The following HS3ST3A1 variants were observed in gnomAD, a reference collection of about 807,000 sequenced individuals.
The protein encoded by HS3ST3A1 is heparan sulfate glucosamine 3-O-sulfotransferase 3A1.
A neutral mutation model predicts 25.7 loss-of-function variants in HS3ST3A1; 19 were observed. The ratio of observed to expected loss-of-function variants is 0.74; its 90% CI spans 0.52 to 1.08. The LOEUF is 1.08. Among genes scored for constraint, HS3ST3A1 ranks in the 50% least tolerant of loss-of-function variants. The pLI is 0.00. For missense variants in HS3ST3A1, 459 were observed against 594.3 expected (o/e 0.77, Z 2.37); for synonymous variants, 226 against 278.6 (o/e 0.81, Z 1.88).
chr17:13,551,434 A>G (rs1408934696), intron 1 of HS3ST3A1, among the ~76,000 whole-genome samples: 2 of 151,978 alleles, frequency 1.3e-5, no homozygotes, highest in African/African-American at 4.8e-5. Flanking sequence ...TACAGCAGCC[A>G]TACCCAGCTG....
chr17:13,526,474 T>TA (rs1906425775), intron 1 of HS3ST3A1, among the ~76,000 whole-genome samples: 2,716 of 76,208 alleles, frequency 0.036, 248 homozygotes, highest in African/African-American at 0.039. Context: ...ACTTTAATTT[T>TA]TATATATATA....
intron 1 of HS3ST3A1, among the ~76,000 whole-genome samples, chr17:13,592,188 G>A (rs1327087912): frequency 1.3e-5 from 2 of 152,168 alleles, no homozygotes; most frequent in Non-Finnish European, 1.5e-5. Context: ...TCTGGGTTTG[G>A]CAGTAGTTCT....
In HS3ST3A1 at chr17:13,511,808, T is replaced by C. The variant is rs1292485760; in HGVS notation, c.600-14990A>G. Reference sequence around the variant, plus strand: ...AATTAGGAAGTCAATTTAAAATAATTTTTATTTCAACATTTTATATTTATT... The same window carrying C: ...AATTAGGAAGTCAATTTAAAATAATCTTTATTTCAACATTTTATATTTATT... On this transcript the variant is annotated intron_variant, in intron 1 of 1. Transcript: ENST00000284110. Among the ~76,000 whole-genome samples, 3 of 152,138 alleles carry C rather than the reference T, an allele frequency of 2.0e-5. No homozygotes were observed. In the East Asian group the frequency reaches 5.8e-4, roughly 29 times the overall value.
intron 1 of HS3ST3A1, among the ~76,000 whole-genome samples, chr17:13,580,130 A>C (rs1327965865): frequency 6.6e-6 from 1 of 152,118 alleles, no homozygotes; most frequent in Non-Finnish European, 1.5e-5. Context: ...ATGCCAACAC[A>C]CGCATTCTTC....
At chr17:13,539,891 C>T (rs1246562792) in intron 1 of HS3ST3A1, among the ~76,000 whole-genome samples, 1 of 152,184 alleles carries the variant, frequency 6.6e-6, no homozygotes, top group Non-Finnish European at 1.5e-5. Flanking sequence ...AAGCTCACCA[C>T]CAACCATGTA....
intron 1 of HS3ST3A1, among the ~76,000 whole-genome samples, chr17:13,585,040 T>C (rs918438814): frequency 3.3e-5 from 5 of 152,110 alleles, no homozygotes; most frequent in African/African-American, 9.7e-5. Context: ...TCTGTAGTAT[T>C]TGATACCACG....
chr17:13,516,768 T>C (rs1208322383), intron 1 of HS3ST3A1, among the ~76,000 whole-genome samples: 1 of 152,210 alleles, frequency 6.6e-6, no homozygotes, highest in Non-Finnish European at 1.5e-5. Flanking sequence ...ATCAAACAGA[T>C]CAATGTATTT....
chr17:13,526,474 T>TTATA (rs58701744), intron 1 of HS3ST3A1, among the ~76,000 whole-genome samples: 2,327 of 75,778 alleles, frequency 0.031, 44 homozygotes, highest in Non-Finnish European at 0.037. Context: ...ACTTTAATTT[T>TTATA]TATATATATA....
intron 1 of HS3ST3A1, among the ~76,000 whole-genome samples, chr17:13,530,668 C>G (rs567689650): frequency 6.6e-5 from 10 of 152,264 alleles, no homozygotes; most frequent in African/African-American, 2.2e-4. Context: ...GAGCCTGCCA[C>G]CACCCCAAAA....
chr17:13,582,714 ATTAC>A (rs1444557123), intron 1 of HS3ST3A1, among the ~76,000 whole-genome samples: 1 of 152,186 alleles, frequency 6.6e-6, no homozygotes, highest in Non-Finnish European at 1.5e-5. Context: ...CATTCATTAT[ATTAC>A]TTAATGATTT....
intron 1 of HS3ST3A1, among the ~76,000 whole-genome samples, chr17:13,584,023 CAA>C (rs1456825480): frequency 6.6e-6 from 1 of 152,154 alleles, no homozygotes; most frequent in Non-Finnish European, 1.5e-5. Flanking sequence ...GAATGCAAAG[CAA>C]AGAGTACCTG....
chr17:13,536,295 G>T (rs1398444112), intron 1 of HS3ST3A1, among the ~76,000 whole-genome samples: 1 of 141,854 alleles, frequency 7.0e-6, no homozygotes, highest in Non-Finnish European at 1.5e-5. Context: ...TTTCTGTTTG[G>T]AGACAAAAAA....
intron 1 of HS3ST3A1, among the ~76,000 whole-genome samples, chr17:13,498,253 G>A (rs115548608): frequency 0.03 from 4,592 of 152,158 alleles, 84 homozygotes; most frequent in African/African-American, 0.042. Flanking sequence ...TGATGGCCCC[G>A]ATACTTCCTT....
chr17:13,540,711 G>A (rs188392278), intron 1 of HS3ST3A1, among the ~76,000 whole-genome samples: 21 of 152,304 alleles, frequency 1.4e-4, no homozygotes, highest in African/African-American at 3.4e-4. Context: ...TTCATTGAGC[G>A]AACTTCACTG....
intron 1 of HS3ST3A1, among the ~76,000 whole-genome samples, chr17:13,532,094 G>A (rs1906622350): frequency 6.6e-6 from 1 of 152,154 alleles, no homozygotes; most frequent in African/African-American, 2.4e-5. Flanking sequence ...CTCTTTGCAA[G>A]CACAATCAGC....
chr17:13,572,796 T>C (rs1315952621), intron 1 of HS3ST3A1, among the ~76,000 whole-genome samples: 1 of 152,124 alleles, frequency 6.6e-6, no homozygotes, highest in South Asian at 2.1e-4. Flanking sequence ...CACAGGAAAA[T>C]AAAAAATTGA....
At chr17:13,517,381 G>A (rs1047994184) in intron 1 of HS3ST3A1, among the ~76,000 whole-genome samples, 2 of 152,116 alleles carry the variant, frequency 1.3e-5, no homozygotes, top group African/African-American at 4.8e-5. Context: ...ACCATCTAGA[G>A]GGCAGGTAGA....
intron 1 of HS3ST3A1, among the ~76,000 whole-genome samples, chr17:13,571,758 TTTG>T (rs918116082): frequency 9.9e-5 from 15 of 152,230 alleles, no homozygotes; most frequent in African/African-American, 3.4e-4. Flanking sequence ...ATAATAATGT[TTTG>T]TTGTTGTTGT....
chr17:13,533,208 C>T (rs1257742604), intron 1 of HS3ST3A1, among the ~76,000 whole-genome samples: 3 of 151,992 alleles, frequency 2.0e-5, no homozygotes, highest in Non-Finnish European at 4.4e-5. Flanking sequence ...CATTTGCTTA[C>T]CAACCTTGTA....
Sources: allele counts gnomAD v4.1 joint callset (sites outside exome capture counted in the v4.1 genomes callset), GRCh38; gene constraint gnomAD v4.1.1; transcripts MANE v1.5; gene names NCBI Gene and HGNC (gene_info 2026-07-23, HGNC 2026-07-21).